DNAH8: variants seen among roughly 807,000 people sequenced by gnomAD.
The protein encoded by DNAH8 is axonemal beta dynein heavy chain 8.
DNAH8 carries 382 observed loss-of-function variants against 562.1 expected under a neutral mutation model. The observed-to-expected ratio is 0.68, with a 90% CI of 0.63 to 0.74. The LOEUF (loss-of-function observed/expected upper bound fraction) is 0.74. DNAH8 is among the 30% of genes least tolerant of loss of function. The pLI is 0.00. For missense variants in DNAH8, 5,203 were observed against 5,620.4 expected (o/e 0.93, Z 2.37); for synonymous variants, 1,881 against 1,919.4 (o/e 0.98, Z 0.52).
At chr6:38,798,010 G>C (rs979724469) in intron 21 of DNAH8, among the ~76,000 whole-genome samples, 1 of 152,020 alleles carries the variant, frequency 6.6e-6, no homozygotes, top group South Asian at 2.1e-4. Context: ...CCTGGGAGGC[G>C]GAGGTTGCAG....
chr6:38,895,000 C>T, intron 59 of DNAH8, 136 bp downstream of exon 59: 1 of 831,164 alleles, frequency 1.2e-6, no homozygotes, highest in Non-Finnish European at 1.8e-6. Context: ...GCGATCTCAG[C>T]TGACCACAAC....
chr6:38,882,853 T>C (rs1778606293), intron 53 of DNAH8, 57 bp from the exon 54 acceptor site: 1 of 1,211,166 alleles, frequency 8.3e-7, no homozygotes, highest in Admixed American at 2.8e-5. Context: ...TTTTGTATTA[T>C]GAGATAACTT....
rs1170075899 is a variant in DNAH8 at position 38,838,004 on chromosome 6, A to G, written c.4428A>G (p.Gly1476=). The G allele has an allele frequency of 1.2e-6, 2 of 1,613,228 alleles. No homozygotes were observed. The highest frequency in any genetic ancestry group is 2.2e-5 in the South Asian group (2 of 90,992). ...ATTCATCTGGTGAACAACTTTTTGG[A>G]TTGCCTGTGACTGATTATGAGGTTT... ...VTYSSGEQLF[G]LPVTDYEVLH... Residue 1476 remains glycine, a synonymous_variant, in exon 33 of 93, where the codon GGA becomes GGG. Coordinates refer to ENST00000327475, the MANE Select transcript of DNAH8 (RefSeq NM_001206927.2).
chr6:38,756,507 T>G lies in DNAH8; in HGVS notation c.1515+428T>G, dbSNP rs140380249. Among the ~76,000 whole-genome samples, 981 of 152,116 alleles carry G rather than the reference T, an allele frequency of 6.4e-3. 14 individuals are homozygous for G. Among genetic ancestry groups the G allele is most frequent in the African/African-American group, 0.023 (939 of 41,406 alleles). On this transcript the variant is annotated intron_variant, in intron 10 of 92. Coordinates refer to ENST00000327475, the MANE Select transcript of DNAH8 (RefSeq NM_001206927.2). The stretch of plus-strand genomic sequence containing the variant: ...TGATTAAACAATATATATTTAAATT[T>G]GCTAGCCAATGTCATTCTTTTTTTT...
chr6:38,799,983 C>T (rs1770629167), intron 21 of DNAH8, among the ~76,000 whole-genome samples: 1 of 152,126 alleles, frequency 6.6e-6, no homozygotes, highest in Admixed American at 6.5e-5. Flanking sequence ...ATGTCTTGCC[C>T]TGTCACCCAG....
chr6:38,839,546 A>G (rs1357791011), intron 33 of DNAH8, among the ~76,000 whole-genome samples: 2 of 151,946 alleles, frequency 1.3e-5, no homozygotes, highest in Non-Finnish European at 2.9e-5. Flanking sequence ...TTATACATAC[A>G]GGAGTCTCCT....
chr6:38,734,450 T>G lies in DNAH8; in HGVS notation c.611-24T>G, dbSNP rs771993910. 1.9e-6 allele frequency: 3 copies of G among 1,611,052 alleles called. No homozygotes were observed. In the South Asian group the frequency reaches 3.3e-5, roughly 18 times the overall value. On this transcript the variant is annotated intron_variant, in intron 4 of 92. Coordinates refer to ENST00000327475, the MANE Select transcript of DNAH8 (RefSeq NM_001206927.2). ...TTTGATTAGTTGTGTGATTATACGCTAAGTTCTTGACTTTTGTTTTCAGAA... is the reference window on the plus strand; with the variant it reads ...TTTGATTAGTTGTGTGATTATACGCGAAGTTCTTGACTTTTGTTTTCAGAA...
chr6:38,992,263 C>A (rs1214016268), intron 88 of DNAH8, among the ~76,000 whole-genome samples: 1 of 152,210 alleles, frequency 6.6e-6, no homozygotes, highest in African/African-American at 2.4e-5. Flanking sequence ...CCACCGCACC[C>A]AGCCTCATAC....
chr6:38,719,779 C>A (rs1345902073), intron 1 of DNAH8, among the ~76,000 whole-genome samples: 1 of 152,110 alleles, frequency 6.6e-6, no homozygotes, highest in Non-Finnish European at 1.5e-5. Flanking sequence ...ATTAGAGTTG[C>A]CACCAAAGAT....
chr6:38,876,888 T>C (rs1219329502), intron 53 of DNAH8, among the ~76,000 whole-genome samples: 2 of 152,190 alleles, frequency 1.3e-5, no homozygotes, highest in African/African-American at 4.8e-5. Flanking sequence ...AATTTGTGTT[T>C]GAAAGGGACT....
intron 10 of DNAH8, among the ~76,000 whole-genome samples, chr6:38,760,190 G>A (rs925515297): frequency 3.3e-5 from 5 of 152,048 alleles, no homozygotes; most frequent in Non-Finnish European, 7.4e-5. Flanking sequence ...GAGGTTTCAG[G>A]GTGGTGAACT....
At chr6:38,902,604 C>G (rs74432298) in intron 62 of DNAH8, among the ~76,000 whole-genome samples, 1 of 152,196 alleles carries the variant, frequency 6.6e-6, no homozygotes, top group African/African-American at 2.4e-5. Context: ...GTCAAGCCCC[C>G]TTCTGTTTCT....
rs547977849 is a variant in DNAH8 at position 38,925,680 on chromosome 6, A to C, written c.10963-375A>C. On this transcript the variant is annotated intron_variant, in intron 73 of 92. Transcript: ENST00000327475. ...CAAAGGGCCGGAAGGGGAAGCTATC[A>C]GGGGCTAATTGCCTGGGACTTACCT... Among the ~76,000 whole-genome samples, 210 of 152,286 alleles carry C rather than the reference A, an allele frequency of 1.4e-3. 1 individual carries two copies. The highest frequency in any genetic ancestry group is 4.8e-3 in the African/African-American group (198 of 41,576).
chr6:38,874,066 CTT>C (rs111786820), intron 52 of DNAH8, among the ~76,000 whole-genome samples: 9,813 of 18,816 alleles, frequency 0.52, 2,627 homozygotes, highest in African/African-American at 0.59. Flanking sequence ...TTCTTTCTTT[CTT>C]TTTCTTTCTT....
At position 38,894,845 on chromosome 6, in the gene DNAH8, A is replaced by G; in HGVS notation, c.8728A>G (p.Ser2910Gly). 6.2e-7 allele frequency: 1 copy of G among 1,613,892 alleles called. No homozygotes were observed. The highest frequency in any genetic ancestry group is 1.1e-5 in the South Asian group (1 of 90,998). Residue 2910 changes from serine to glycine, a missense_variant, in exon 59 of 93, where the codon AGC (serine) becomes GGC (glycine). Around this residue, in one of 6 missense-constraint regions of DNAH8, gnomAD observed 977 missense variants for 1,061.8 expected, o/e 0.92. Transcript: ENST00000327475. ...CCTGTCCCTTTTCAAACACGAGTGC[A>G]GCAGAGTAATTGCAGACAGGTGCGT... ...TLLSLFKHEC[S>G]RVIADRFITP...
chr6:39,024,535 A>C (rs1304240804), intron 91 of DNAH8, among the ~76,000 whole-genome samples: 2 of 152,182 alleles, frequency 1.3e-5, no homozygotes, highest in African/African-American at 4.8e-5. Context: ...TGGATGTTTA[A>C]AATGGAAGTT....
chr6:38,736,056 T>A (rs979372923), intron 5 of DNAH8, among the ~76,000 whole-genome samples: 2 of 152,058 alleles, frequency 1.3e-5, no homozygotes, highest in Admixed American at 1.3e-4. Context: ...GAGAATTGCT[T>A]GAGTCCCCAA....
rs184574640 is a variant in DNAH8, at chr6:38,735,727, C to T, written c.762+1102C>T. Among the ~76,000 whole-genome samples, 16 of 152,186 alleles carry T rather than the reference C, an allele frequency of 1.1e-4. No individual in the cohort carries two copies. The East Asian group carries it at 1.4e-3, about 13-fold the overall frequency. ...TGAAATAGTATAAGTCTTTCATAACCGAAAAACTGACTTCTATGCTATTCT... is the reference window on the plus strand; with the variant it reads ...TGAAATAGTATAAGTCTTTCATAACTGAAAAACTGACTTCTATGCTATTCT... On this transcript the variant is annotated intron_variant, in intron 5 of 92. Coordinates refer to ENST00000327475, the MANE Select transcript of DNAH8 (RefSeq NM_001206927.2).
At chr6:38,806,415 G>C (rs528015712) in intron 23 of DNAH8, among the ~76,000 whole-genome samples, 27 of 152,130 alleles carry the variant, frequency 1.8e-4, no homozygotes, top group Non-Finnish European at 3.4e-4. Flanking sequence ...AGGCTTCTCA[G>C]TACCATGCAC....
Sources: allele counts gnomAD v4.1 joint callset (sites outside exome capture counted in the v4.1 genomes callset), GRCh38; gene constraint gnomAD v4.1.1; regional missense constraint gnomAD v4.1.1; transcripts MANE v1.5; gene names NCBI Gene and HGNC (gene_info 2026-07-23, HGNC 2026-07-21).